PDLIM5: variants seen among roughly 807,000 people sequenced by gnomAD.
PDLIM5 encodes PDZ and LIM domain protein 5.
A neutral mutation model predicts 64.2 loss-of-function variants in PDLIM5; 34 were observed. The ratio of observed to expected loss-of-function variants is 0.53; its 90% CI spans 0.40 to 0.71. The LOEUF (loss-of-function observed/expected upper bound fraction) is 0.71, where lower values mean the gene tolerates loss of function less well. PDLIM5 is among the 30% of genes least tolerant of loss of function. The pLI, the probability that PDLIM5 is intolerant of heterozygous loss-of-function variation, is 0.00. For missense variants in PDLIM5, 683 were observed against 733.6 expected (o/e 0.93, Z 0.80); for synonymous variants, 253 against 269.1 (o/e 0.94, Z 0.59).
At chr4:94,630,178 C>T (rs887748462) in intron 8 of PDLIM5, among the ~76,000 whole-genome samples, 3 of 152,146 alleles carry the variant, frequency 2.0e-5, no homozygotes, top group African/African-American at 4.8e-5. Context: ...TTTATCTCCC[C>T]GAGAGTGCCA....
intron 2 of PDLIM5, among the ~76,000 whole-genome samples, chr4:94,516,919 T>C (rs1729412993): frequency 6.6e-6 from 1 of 152,164 alleles, no homozygotes. Context: ...ATTTGTAGAC[T>C]GCTCAAAGTG....
chr4:94,641,600 C>T (rs1174330011), intron 9 of PDLIM5, among the ~76,000 whole-genome samples: 1 of 152,146 alleles, frequency 6.6e-6, no homozygotes, highest in African/African-American at 2.4e-5. Context: ...CCCAAGGTAA[C>T]CTCTATTATC....
chr4:94,455,361 A>G lies in PDLIM5; in HGVS notation c.73A>G (p.Asn25Asp), dbSNP rs766278577. ...GFRLQGGKDFNMPLTISSLKD... is the reference protein window; with the variant it reads ...GFRLQGGKDFDMPLTISSLKD... ...CCGGCTGCAGGGCGGTAAGGATTTCAACATGCCTCTGACAATCTCTAGTGT... is the reference window on the plus strand; with the variant it reads ...CCGGCTGCAGGGCGGTAAGGATTTCGACATGCCTCTGACAATCTCTAGTGT... The change falls in exon 2 of 13, where the codon AAC becomes GAC. Residue 25 changes from asparagine (N) to aspartate (D), a missense_variant. Asn to Asp is a conservative substitution (Grantham distance 23, BLOSUM62 1). Coordinates refer to ENST00000317968, the MANE Select transcript of PDLIM5 (RefSeq NM_006457.5). The G allele has an allele frequency of 4.3e-6, 7 of 1,611,306 alleles. No individual in the cohort carries two copies. Among genetic ancestry groups the G allele is most frequent in the Non-Finnish European group, 5.9e-6 (7 of 1,177,518 alleles).
chr4:94,642,020 T>C (rs1456762073), intron 9 of PDLIM5, among the ~76,000 whole-genome samples: 2 of 152,250 alleles, frequency 1.3e-5, no homozygotes, highest in Non-Finnish European at 2.9e-5. Context: ...TGCTTTATCC[T>C]AATAAAGAAA....
chr4:94,546,724 G>A (rs1314561240), intron 3 of PDLIM5, among the ~76,000 whole-genome samples: 1 of 152,068 alleles, frequency 6.6e-6, no homozygotes, highest in Non-Finnish European at 1.5e-5. Flanking sequence ...TCTACGGTAA[G>A]TGGTGCAAAA....
intron 8 of PDLIM5, among the ~76,000 whole-genome samples, chr4:94,638,378 G>T (rs1415664420): frequency 6.6e-6 from 1 of 152,186 alleles, no homozygotes; most frequent in Non-Finnish European, 1.5e-5. Flanking sequence ...TGAAACATGG[G>T]CAATAATAGA....
chr4:94,512,099 C>A (rs1287456564), intron 2 of PDLIM5, among the ~76,000 whole-genome samples: 1 of 151,904 alleles, frequency 6.6e-6, no homozygotes, highest in African/African-American at 2.4e-5. Context: ...CGGCTCACTG[C>A]AACGTCCACC....
At chr4:94,646,515 C>T (rs1422861494) in intron 9 of PDLIM5, among the ~76,000 whole-genome samples, 1 of 152,146 alleles carries the variant, frequency 6.6e-6, no homozygotes, top group Admixed American at 6.5e-5. Flanking sequence ...TCCTGGCAAA[C>T]TAATTCAGTT....
intron 5 of PDLIM5, among the ~76,000 whole-genome samples, chr4:94,576,266 A>G (rs898980841): frequency 1.4e-5 from 2 of 139,406 alleles, no homozygotes; most frequent in Non-Finnish European, 1.6e-5. Context: ...ACCATGTAAC[A>G]TCTCTGTAAC....
chr4:94,624,045 T>C (rs767131180), intron 8 of PDLIM5, among the ~76,000 whole-genome samples: 24 of 152,042 alleles, frequency 1.6e-4, no homozygotes, highest in Admixed American at 9.2e-4. Flanking sequence ...GCACTGTGGC[T>C]CACACCTGTA....
chr4:94,664,236 TAAAGTAA>T lies in PDLIM5; in HGVS notation c.*171_*177del. On this transcript the variant is annotated 3_prime_UTR_variant, in exon 13 of 13. Transcript: ENST00000317968. ...AAGTCTGAGGAAATATTTGGCTTCA[TAAAGTAA>T]AGAGACGGTTTGGCATTTATTATTA... is the stretch of plus-strand genomic sequence containing the variant. 8.6e-7 allele frequency: 1 copy of T among 1,159,132 alleles called. No homozygotes were observed. The highest frequency in any genetic ancestry group is 1.1e-6 in the Non-Finnish European group (1 of 924,798). 71.8% of individuals were successfully genotyped at this position (1,159,132 alleles called of 1,614,324 possible). A position where few individuals can be genotyped will look rare whatever the true frequency, so the allele number is the denominator to read the frequency against.
chr4:94,530,127 T>C (rs1730734088), intron 3 of PDLIM5, among the ~76,000 whole-genome samples: 1 of 152,210 alleles, frequency 6.6e-6, no homozygotes, highest in South Asian at 2.1e-4. Flanking sequence ...GATTTAGGGC[T>C]AGTGGCTAAA....
At chr4:94,479,089 G>C (rs1725612713) in intron 2 of PDLIM5, among the ~76,000 whole-genome samples, 1 of 150,952 alleles carries the variant, frequency 6.6e-6, no homozygotes, top group Non-Finnish European at 1.5e-5. Context: ...GGTAAAGACA[G>C]GATTCTCACC....
intron 2 of PDLIM5, among the ~76,000 whole-genome samples, chr4:94,492,411 A>T (rs145427976): frequency 9.9e-5 from 15 of 152,254 alleles, no homozygotes; most frequent in African/African-American, 3.6e-4. Context: ...AAGTTTACAT[A>T]ACATGAAATT....
chr4:94,510,936 T>A (rs1203059425), intron 2 of PDLIM5, among the ~76,000 whole-genome samples: 1 of 152,212 alleles, frequency 6.6e-6, no homozygotes, highest in Non-Finnish European at 1.5e-5. Flanking sequence ...TGGAGAAGAA[T>A]ACAAATTTGT....
intron 3 of PDLIM5, among the ~76,000 whole-genome samples, chr4:94,527,190 G>C (rs1730449875): frequency 6.6e-6 from 1 of 150,438 alleles, no homozygotes; most frequent in African/African-American, 2.4e-5. Context: ...CCAAGTAGCT[G>C]AGACTAAAGG....
Position 94,665,866 on chromosome 4 carries a change from G to T in PDLIM5, c.*1799G>T. On this transcript the variant is annotated 3_prime_UTR_variant, in exon 13 of 13. Transcript: ENST00000317968. Reference sequence around the variant, plus strand: ...GTTGGGAGGGGAGTTTAATTACTCAGATTGGCCTGTTATTTGATTTCCTCC... The same window carrying T: ...GTTGGGAGGGGAGTTTAATTACTCATATTGGCCTGTTATTTGATTTCCTCC... 1 of 1,410,732 alleles carries T rather than the reference G, an allele frequency of 7.1e-7. No individual in the cohort carries two copies. The highest frequency in any genetic ancestry group is 1.6e-5 in the South Asian group (1 of 60,672). The allele number at this position is 1,410,732 out of a possible 1,614,324, so 87.4% of individuals were successfully genotyped here. A position where few individuals can be genotyped will look rare whatever the true frequency, so the allele number is the denominator to read the frequency against.
intron 9 of PDLIM5, among the ~76,000 whole-genome samples, chr4:94,649,060 C>G (rs1741638643): frequency 6.6e-6 from 1 of 151,966 alleles, no homozygotes; most frequent in Non-Finnish European, 1.5e-5. Context: ...ACTGCAACCT[C>G]CGCCTCCTGG....
intron 7 of PDLIM5, among the ~76,000 whole-genome samples, chr4:94,596,449 T>C (rs1324409060): frequency 6.6e-6 from 1 of 152,054 alleles, no homozygotes; most frequent in Admixed American, 6.6e-5. Flanking sequence ...AATTACACAA[T>C]AAAATTATTT....
Sources: allele counts gnomAD v4.1 joint callset (sites outside exome capture counted in the v4.1 genomes callset), GRCh38; gene constraint gnomAD v4.1.1; transcripts MANE v1.5; gene names NCBI Gene and HGNC (gene_info 2026-07-23, HGNC 2026-07-21).